The following MDGA2 variants were observed in gnomAD, a reference collection of about 807,000 sequenced individuals.
MDGA2 encodes MAM domain containing glycosylphosphatidylinositol anchor 2.
Under a neutral mutation model 117.8 loss-of-function variants are expected in MDGA2, and 40 were observed. That is an observed-to-expected ratio of 0.34 (90% CI 0.26 to 0.44). The LOEUF is 0.44. MDGA2 is among the 20% of genes least tolerant of loss of function. The probability of loss-of-function intolerance (pLI) is 1.00; values close to 1 mark genes in which losing one functional copy is unlikely to be tolerated. For synonymous variants in MDGA2, 452 were observed against 439.0 expected (o/e 1.03, Z -0.37); for missense variants, 1,123 against 1,250.6 (o/e 0.90, Z 1.54).
chr14:47,376,857 G>A (rs377657407), intron 1 of MDGA2, among the ~76,000 whole-genome samples: 2 of 152,260 alleles, frequency 1.3e-5, no homozygotes, highest in East Asian at 3.9e-4. Context: ...CTGGAGGTAG[G>A]AAAGGGGGGG....
intron 1 of MDGA2, among the ~76,000 whole-genome samples, chr14:47,372,114 G>T (rs1315961729): frequency 6.6e-6 from 1 of 151,702 alleles, no homozygotes; most frequent in East Asian, 1.9e-4. Context: ...TATGTCCTTT[G>T]TATAAACATA....
intron 14 of MDGA2, among the ~76,000 whole-genome samples, chr14:46,866,762 A>T (rs1881782279): frequency 6.6e-6 from 1 of 152,158 alleles, no homozygotes; most frequent in East Asian, 1.9e-4. Context: ...AAAAGAAGAC[A>T]TTTATGCAGC....
At chr14:47,286,094 T>C (rs1888661841) in intron 2 of MDGA2, among the ~76,000 whole-genome samples, 1 of 152,034 alleles carries the variant, frequency 6.6e-6, no homozygotes, top group African/African-American at 2.4e-5. Context: ...TCTTTTTAAT[T>C]TTTATGGATA....
At chr14:47,319,136 G>A (rs1413120775) in intron 1 of MDGA2, among the ~76,000 whole-genome samples, 4 of 152,030 alleles carry the variant, frequency 2.6e-5, no homozygotes, top group Non-Finnish European at 5.9e-5. Context: ...ATATTTTCCC[G>A]AGGTGTCATA....
chr14:46,933,064 C>T (rs1287007324), intron 9 of MDGA2, among the ~76,000 whole-genome samples: 2 of 152,004 alleles, frequency 1.3e-5, no homozygotes, highest in African/African-American at 4.8e-5. Flanking sequence ...TCTAACAAAA[C>T]CCCCACAGTA....
At chr14:47,258,760 G>T (rs1013160284) in intron 2 of MDGA2, among the ~76,000 whole-genome samples, 1 of 151,718 alleles carries the variant, frequency 6.6e-6, no homozygotes, top group African/African-American at 2.4e-5. Flanking sequence ...TCATGTACTT[G>T]GAAGATCATC....
intron 1 of MDGA2, among the ~76,000 whole-genome samples, chr14:47,368,416 T>C (rs765985463): frequency 2.6e-5 from 4 of 152,240 alleles, no homozygotes; most frequent in Non-Finnish European, 5.9e-5. Context: ...ATTAAATATT[T>C]CTACTACCAT....
chr14:47,293,655 T>C (rs1342486006), intron 2 of MDGA2, among the ~76,000 whole-genome samples: 2 of 152,254 alleles, frequency 1.3e-5, no homozygotes, highest in African/African-American at 4.8e-5. Context: ...TGCTTGGCAC[T>C]CTGTTAAATG....
chr14:46,897,041 G>A (rs1166656832), intron 10 of MDGA2, among the ~76,000 whole-genome samples: 1 of 152,082 alleles, frequency 6.6e-6, no homozygotes, highest in African/African-American at 2.4e-5. Context: ...CCATAAACAT[G>A]CCTCCCAAAT....
chr14:47,224,802 A>G (rs1307250872), intron 2 of MDGA2, among the ~76,000 whole-genome samples: 1 of 152,220 alleles, frequency 6.6e-6, no homozygotes, highest in Non-Finnish European at 1.5e-5. Flanking sequence ...GTACGTAATT[A>G]TTAATAGGCA....
intron 1 of MDGA2, among the ~76,000 whole-genome samples, chr14:47,528,164 A>G (rs901139737): frequency 6.6e-6 from 1 of 152,220 alleles, no homozygotes; most frequent in African/African-American, 2.4e-5. Context: ...AGGCCAGGTC[A>G]GGCCTGTTCT....
intron 7 of MDGA2, among the ~76,000 whole-genome samples, chr14:47,053,308 T>A (rs1477386098): frequency 6.6e-6 from 1 of 151,760 alleles, no homozygotes; most frequent in Non-Finnish European, 1.5e-5. Context: ...ACTTGTGAAG[T>A]CTATGTTTTA....
chr14:47,497,122 C>A (rs1025999771), intron 1 of MDGA2, among the ~76,000 whole-genome samples: 2 of 152,066 alleles, frequency 1.3e-5, no homozygotes, highest in Non-Finnish European at 1.5e-5. Context: ...TGTGACCCTG[C>A]GGGTTGGAGA....
intron 1 of MDGA2, among the ~76,000 whole-genome samples, chr14:47,342,680 C>G (rs1488492031): frequency 2.0e-5 from 3 of 151,882 alleles, no homozygotes; most frequent in African/African-American, 7.3e-5. Flanking sequence ...AGATGTTGAC[C>G]CGGAAAAACG....
chr14:47,340,702 C>T (rs1890595112), intron 1 of MDGA2, among the ~76,000 whole-genome samples: 1 of 152,178 alleles, frequency 6.6e-6, no homozygotes, highest in Non-Finnish European at 1.5e-5. Context: ...GCTGCCATTT[C>T]TTAATGCAAT....
intron 3 of MDGA2, 47 bp from the exon 4 acceptor site, chr14:47,144,321 A>T (rs1167974654): frequency 3.5e-6 from 5 of 1,446,598 alleles, no homozygotes; most frequent in Non-Finnish European, 4.7e-6. Flanking sequence ...GAGATAGATG[A>T]CTTTTAAAGT....
At chr14:47,498,070 T>C (rs1851459478) in intron 1 of MDGA2, among the ~76,000 whole-genome samples, 1 of 152,194 alleles carries the variant, frequency 6.6e-6, no homozygotes, top group Non-Finnish European at 1.5e-5. Context: ...GGTATAATAC[T>C]CTATTTTGGG....
chr14:47,023,077 G>A (rs913992109), intron 8 of MDGA2, among the ~76,000 whole-genome samples: 1 of 151,382 alleles, frequency 6.6e-6, no homozygotes, highest in Non-Finnish European at 1.5e-5. Context: ...AATACAGAAA[G>A]AACTGAGTTG....
intron 1 of MDGA2, among the ~76,000 whole-genome samples, chr14:47,458,048 T>C (rs1423249832): frequency 6.6e-6 from 1 of 151,644 alleles, no homozygotes; most frequent in Non-Finnish European, 1.5e-5. Flanking sequence ...TCCTGGTTAA[T>C]GACATATTGA....
Sources: allele counts gnomAD v4.1 joint callset (sites outside exome capture counted in the v4.1 genomes callset), GRCh38; gene constraint gnomAD v4.1.1; transcripts MANE v1.5; gene names NCBI Gene and HGNC (gene_info 2026-07-23, HGNC 2026-07-21).